The following EIF4G3 variants were observed in gnomAD, a reference collection of about 807,000 sequenced individuals.
EIF4G3 encodes the protein eukaryotic translation initiation factor 4 gamma 3.
EIF4G3 carries 34 observed loss-of-function variants against 186.4 expected under a neutral mutation model. The observed-to-expected ratio is 0.18, with a 90% CI of 0.14 to 0.24. EIF4G3 has a LOEUF of 0.24. EIF4G3 is among the 10% of genes least tolerant of loss of function. The pLI is 1.00. For synonymous variants in EIF4G3, 673 were observed against 679.5 expected (o/e 0.99, Z 0.15); for missense variants, 1,536 against 1,948.5 (o/e 0.79, Z 3.99).
At chr1:20,991,380 C>G (rs2081064732) in intron 7 of EIF4G3, among the ~76,000 whole-genome samples, 1 of 151,928 alleles carries the variant, frequency 6.6e-6, no homozygotes. Context: ...CTGGCCTGAC[C>G]AACATGGCAA....
At chr1:21,062,902 A>T (rs536406333) in intron 3 of EIF4G3, among the ~76,000 whole-genome samples, 59 of 152,204 alleles carry the variant, frequency 3.9e-4, no homozygotes, top group African/African-American at 1.4e-3. Context: ...ATATATATAT[A>T]TTTTAAATAA....
chr1:20,834,295 A>G (rs189098741), intron 30 of EIF4G3, among the ~76,000 whole-genome samples: 2 of 152,162 alleles, frequency 1.3e-5, no homozygotes, highest in African/African-American at 4.8e-5. Context: ...TAAAAAAATA[A>G]AAAAAATTAG....
chr1:21,045,034 T>G (rs1245428720), intron 4 of EIF4G3, among the ~76,000 whole-genome samples: 2 of 152,026 alleles, frequency 1.3e-5, no homozygotes, highest in Non-Finnish European at 2.9e-5. Context: ...CCTGAAGAAC[T>G]GCTTGAGTCC....
intron 3 of EIF4G3, among the ~76,000 whole-genome samples, chr1:21,052,302 TGGTTTTGCAAACTTTCA>T (rs1344991710): frequency 2.6e-5 from 4 of 152,218 alleles, no homozygotes; most frequent in African/African-American, 9.7e-5. Flanking sequence ...TTAACACTGA[TGGTTTTGCAAACTTTCA>T]TGAATTATGG....
At chr1:21,136,027 C>T (rs1186235191) in intron 2 of EIF4G3, among the ~76,000 whole-genome samples, 2 of 150,760 alleles carry the variant, frequency 1.3e-5, no homozygotes, top group Non-Finnish European at 3.0e-5. Flanking sequence ...ACTAAAAATA[C>T]AAAAAATTAG....
At chr1:21,122,294 A>G (rs1392113263) in intron 2 of EIF4G3, among the ~76,000 whole-genome samples, 1 of 131,698 alleles carries the variant, frequency 7.6e-6, no homozygotes, top group Non-Finnish European at 1.7e-5. Flanking sequence ...TCAAGATATG[A>G]AAACTCCTTT....
intron 14 of EIF4G3, among the ~76,000 whole-genome samples, chr1:20,928,664 G>C (rs1204924133): frequency 6.6e-6 from 1 of 152,108 alleles, no homozygotes; most frequent in Non-Finnish European, 1.5e-5. Flanking sequence ...CTCCCAAAGT[G>C]CTGGGATTAC....
chr1:21,125,769 TATACACACACACAC>T (rs773316995), intron 2 of EIF4G3, among the ~76,000 whole-genome samples: 26 of 114,508 alleles, frequency 2.3e-4, no homozygotes, highest in South Asian at 7.6e-4. Context: ...TTTATATATA[TATACACACACACAC>T]ACACACACAC....
intron 34 of EIF4G3, among the ~76,000 whole-genome samples, chr1:20,813,546 G>A (rs183964841): frequency 6.6e-6 from 1 of 151,730 alleles, no homozygotes; most frequent in Admixed American, 6.6e-5. Flanking sequence ...TCCAGCATGG[G>A]TGACAGAGCG....
intron 4 of EIF4G3, among the ~76,000 whole-genome samples, chr1:21,021,172 C>G (rs1340312418): frequency 1.3e-5 from 2 of 152,068 alleles, no homozygotes; most frequent in Non-Finnish European, 2.9e-5. Flanking sequence ...TTAGTAGACA[C>G]AGTGTTTTGC....
intron 13 of EIF4G3, among the ~76,000 whole-genome samples, chr1:20,948,087 T>A (rs1335924094): frequency 6.6e-6 from 1 of 152,196 alleles, no homozygotes; most frequent in Non-Finnish European, 1.5e-5. Context: ...AGAAGATATA[T>A]TTTAAGGCCT....
At chr1:21,157,779 C>A (rs1350099818) in intron 2 of EIF4G3, among the ~76,000 whole-genome samples, 1 of 152,138 alleles carries the variant, frequency 6.6e-6, no homozygotes, top group African/African-American at 2.4e-5. Context: ...TCTGTAATAT[C>A]AAAACAATAA....
At chr1:21,123,139 G>A (rs2096957212) in intron 2 of EIF4G3, among the ~76,000 whole-genome samples, 1 of 152,038 alleles carries the variant, frequency 6.6e-6, no homozygotes, top group African/African-American at 2.4e-5. Flanking sequence ...GTCACAAAAG[G>A]ATCTCCAATT....
intron 36 of EIF4G3, among the ~76,000 whole-genome samples, chr1:20,809,835 G>A (rs753422068): frequency 2.0e-5 from 3 of 152,228 alleles, no homozygotes; most frequent in Non-Finnish European, 4.4e-5. Flanking sequence ...TGTGGCTCAT[G>A]ATTACCATAC....
chr1:20,888,001 A>T (rs2084776957), intron 18 of EIF4G3, among the ~76,000 whole-genome samples: 1 of 152,218 alleles, frequency 6.6e-6, no homozygotes, highest in African/African-American at 2.4e-5. Context: ...GTACATAAAC[A>T]TTGTCAAGAA....
intron 3 of EIF4G3, among the ~76,000 whole-genome samples, chr1:21,077,165 G>C (rs891849554): frequency 6.6e-6 from 1 of 152,188 alleles, no homozygotes; most frequent in African/African-American, 2.4e-5. Context: ...GGGAGGTCAA[G>C]ATAGGAGGAC....
intron 4 of EIF4G3, among the ~76,000 whole-genome samples, chr1:21,024,471 T>C (rs1462039117): frequency 6.8e-6 from 1 of 147,016 alleles, no homozygotes; most frequent in African/African-American, 2.4e-5. Flanking sequence ...GGGGAAAAGA[T>C]TGAGAAATCG....
intron 3 of EIF4G3, among the ~76,000 whole-genome samples, chr1:21,083,934 C>T (rs1166590386): frequency 6.6e-6 from 1 of 152,058 alleles, no homozygotes; most frequent in Non-Finnish European, 1.5e-5. Context: ...CCAAGATCTA[C>T]GACACCACCT....
chr1:21,005,996 G>T (rs1425634218), intron 4 of EIF4G3, among the ~76,000 whole-genome samples: 1 of 152,160 alleles, frequency 6.6e-6, no homozygotes, highest in Non-Finnish European at 1.5e-5. Context: ...CTGTCACAAT[G>T]TATGCCATTA....
Sources: gnomAD v4.1 joint callset for allele counts (sites outside exome capture counted in the v4.1 genomes callset) on GRCh38, gnomAD v4.1.1 for gene constraint, MANE v1.5 for transcripts, NCBI Gene and HGNC (gene_info 2026-07-23, HGNC 2026-07-21) for gene names.